Variants in CELF4 observed in about 807,000 individuals in gnomAD.
CELF4 encodes the protein CUG-BP- and ETR-3-like factor 4.
Under a neutral mutation model 59.9 loss-of-function variants are expected in CELF4, and 18 were observed. The ratio of observed to expected loss-of-function variants is 0.30; its 90% CI spans 0.21 to 0.45. The LOEUF is 0.45. Ranked by LOEUF, CELF4 falls within the 20% of genes least tolerant of loss-of-function variation. The pLI is 1.00. For missense variants in CELF4, 456 were observed against 689.0 expected, an observed-to-expected ratio of 0.66 and a Z score of 3.79; for synonymous variants, 261 against 267.1, an observed-to-expected ratio of 0.98 and a Z score of 0.22.
chr18:37,456,894 G>A (rs987012164), intron 2 of CELF4, among the ~76,000 whole-genome samples: 1 of 152,116 alleles, frequency 6.6e-6, no homozygotes, highest in African/African-American at 2.4e-5. Flanking sequence ...TCCAGCCCCA[G>A]GCCTGCATGT....
At chr18:37,291,926 C>T (rs2095359724) in intron 3 of CELF4, among the ~76,000 whole-genome samples, 1 of 152,114 alleles carries the variant, frequency 6.6e-6, no homozygotes, top group African/African-American at 2.4e-5. Flanking sequence ...TCCCAAAATT[C>T]ACACGCTGAA....
At chr18:37,419,432 C>G (rs1187809119) in intron 2 of CELF4, among the ~76,000 whole-genome samples, 1 of 152,158 alleles carries the variant, frequency 6.6e-6, no homozygotes. Flanking sequence ...AGGTATGCGA[C>G]TGCAGGGAAA....
chr18:37,466,634 G>A (rs1164385078), intron 2 of CELF4, among the ~76,000 whole-genome samples: 1 of 152,216 alleles, frequency 6.6e-6, no homozygotes, highest in African/African-American at 2.4e-5. Flanking sequence ...GAACTTAGGA[G>A]GTCAGCCTTG....
At position 37,378,592 on chromosome 18, in the gene CELF4, G is replaced by A. The variant is rs549130519; in HGVS notation, c.370-56711C>T. On this transcript the variant is annotated intron_variant, in intron 2 of 12. Coordinates refer to ENST00000420428, the MANE Select transcript of CELF4 (RefSeq NM_020180.4). The stretch of plus-strand genomic sequence containing the variant: ...ACACTAGCGACAGGCAAGTCCCGTG[G>A]AAGCATTCATTGCCATGAAATAAAC... Among the ~76,000 whole-genome samples the A allele has an allele frequency of 1.6e-4, 25 of 152,328 alleles. No homozygotes were observed. The South Asian group carries it at 5.2e-3, about 32-fold the overall frequency.
intron 1 of CELF4, among the ~76,000 whole-genome samples, chr18:37,526,950 G>A (rs1403352724): frequency 2.6e-5 from 4 of 152,070 alleles, no homozygotes; most frequent in African/African-American, 7.2e-5. Flanking sequence ...CGACATGTCC[G>A]GGCCTCAGTT....
At chr18:37,329,872 G>C (rs72885308) in intron 2 of CELF4, among the ~76,000 whole-genome samples, 11,074 of 152,308 alleles carry the variant, frequency 0.073, 437 homozygotes, top group Middle Eastern at 0.12. Flanking sequence ...TGCCCATGAC[G>C]CTGACCTGGG....
intron 1 of CELF4, among the ~76,000 whole-genome samples, chr18:37,490,062 T>C (rs1427758918): frequency 6.6e-6 from 1 of 152,188 alleles, no homozygotes; most frequent in Admixed American, 6.5e-5. Flanking sequence ...AAACTGTGAA[T>C]ACTCAAAAGC....
At chr18:37,515,194 T>G (rs1351308461) in intron 1 of CELF4, among the ~76,000 whole-genome samples, 1 of 152,206 alleles carries the variant, frequency 6.6e-6, no homozygotes, top group Non-Finnish European at 1.5e-5. Flanking sequence ...TATAGTACAG[T>G]AAAAGCCTTA....
At chr18:37,549,159 T>G (rs991051064) in intron 1 of CELF4, among the ~76,000 whole-genome samples, 1 of 152,228 alleles carries the variant, frequency 6.6e-6, no homozygotes, top group East Asian at 1.9e-4. Context: ...CCAGATTTAT[T>G]AGCCTCATCA....
At chr18:37,554,492 C>T (rs6507207) in intron 1 of CELF4, among the ~76,000 whole-genome samples, 128,315 of 152,114 alleles carry the variant, frequency 0.84, 57,447 homozygotes, top group Non-Finnish European at 0.98. Context: ...CAGCGACAGG[C>T]CCCATTTACT....
intron 1 of CELF4, among the ~76,000 whole-genome samples, chr18:37,505,943 T>C (rs1049409910): frequency 2.0e-5 from 3 of 151,230 alleles, no homozygotes; most frequent in African/African-American, 7.3e-5. Context: ...AGGCACGTCT[T>C]TTCCATGGGA....
At chr18:37,294,075 G>T (rs2095501133) in intron 3 of CELF4, among the ~76,000 whole-genome samples, 2 of 152,210 alleles carry the variant, frequency 1.3e-5, no homozygotes, top group South Asian at 4.1e-4. Context: ...GCAGATTCTG[G>T]GGCTTTAGAA....
chr18:37,493,017 C>A (rs746324822), intron 1 of CELF4, among the ~76,000 whole-genome samples: 1 of 152,190 alleles, frequency 6.6e-6, no homozygotes, highest in Non-Finnish European at 1.5e-5. Flanking sequence ...GTTATTTCCA[C>A]CTGGATCTTC....
intron 1 of CELF4, among the ~76,000 whole-genome samples, chr18:37,516,276 G>A (rs372754314): frequency 1.3e-5 from 2 of 152,000 alleles, no homozygotes; most frequent in East Asian, 3.9e-4. Flanking sequence ...TCCTCTGCTG[G>A]GAGGCTCCTC....
intron 2 of CELF4, among the ~76,000 whole-genome samples, chr18:37,452,487 C>T (rs138193525): frequency 1.9e-3 from 296 of 152,240 alleles, no homozygotes; most frequent in African/African-American, 7.0e-3. Context: ...TGTCAGACGC[C>T]AGCACCTCCT....
chr18:37,470,874 G>C (rs1424396572), intron 2 of CELF4, among the ~76,000 whole-genome samples: 1,264 of 104,736 alleles, frequency 0.012, 6 homozygotes, highest in African/African-American at 0.024. Context: ...GTGTGTGTGT[G>C]TGTGTGTGTG....
chr18:37,274,654 T>A, intron 5 of CELF4, 151 bp downstream of exon 5: 1 of 1,483,690 alleles, frequency 6.7e-7, no homozygotes, highest in South Asian at 1.3e-5. Flanking sequence ...TTCCTTAACA[T>A]CCCTGGGCTT....
At chr18:37,412,496 A>AGATG (rs907169686) in intron 2 of CELF4, among the ~76,000 whole-genome samples, 4 of 151,824 alleles carry the variant, frequency 2.6e-5, no homozygotes, top group East Asian at 1.9e-4. Context: ...ATGGGTGGAT[A>AGATG]GATGGATGGA....
chr18:37,366,898 G>A (rs1051777079), intron 2 of CELF4, among the ~76,000 whole-genome samples: 4 of 151,994 alleles, frequency 2.6e-5, no homozygotes, highest in Admixed American at 2.0e-4. Flanking sequence ...CCATCTACCC[G>A]TGCCCCATGG....
Sources: gnomAD v4.1 joint callset for allele counts (sites outside exome capture counted in the v4.1 genomes callset) on GRCh38, gnomAD v4.1.1 for gene constraint, MANE v1.5 for transcripts, NCBI Gene and HGNC (gene_info 2026-07-23, HGNC 2026-07-21) for gene names.